The following ANKLE2 variants were observed in gnomAD, a reference collection of about 807,000 sequenced individuals.
ANKLE2 encodes ankyrin repeat and LEM domain containing 2, also known as ankyrin repeat and LEM domain-containing protein 2.
Under a neutral mutation model 84.2 loss-of-function variants are expected in ANKLE2, and 55 were observed. The observed-to-expected ratio is 0.65, with a 90% CI of 0.53 to 0.82. ANKLE2 has a LOEUF of 0.82. ANKLE2 is among the 40% of genes least tolerant of loss of function. ANKLE2 has a pLI of 0.00. For missense variants in ANKLE2, 1,238 were observed against 1,201.9 expected (o/e 1.03, Z -0.44); for synonymous variants, 551 against 486.1 (o/e 1.13, Z -1.76).
intron 5 of ANKLE2, chr12:132,745,326 G>T: frequency 5.5e-6 from 1 of 181,372 alleles, no homozygotes. Context: ...AGACGGATGA[G>T]GAAACTGTCA....
intron 1 of ANKLE2, chr12:132,759,483 A>G (rs2044568052): frequency 6.8e-6 from 1 of 147,498 alleles, no homozygotes; most frequent in Admixed American, 6.7e-5. Context: ...GCAATGCACG[A>G]GGCCCAGTTT....
chr12:132,750,693 G>C lies in ANKLE2; in HGVS notation c.797C>G (p.Pro266Arg), dbSNP rs1354431244. ...YFPSPSKTSL[P>R]LSPVKTAPLF... is the part of the protein sequence containing the mutation. ...TGGAGCTGTTTTCACAGGAGACAGT[G>C]GTAAGGACGTTTTGCTTGGAGAAGG... is the stretch of plus-strand genomic sequence containing the variant. Residue 266 changes from proline to arginine, a missense_variant, in exon 3 of 13, where the codon CCA (proline) becomes CGA (arginine). Physicochemically the swap from Pro to Arg is moderately radical, Grantham distance 103. This residue lies in a region of ANKLE2 where 422 missense variants were observed against 394.5 expected (regional missense o/e 1.07). Coordinates refer to ENST00000357997, the MANE Select transcript of ANKLE2 (RefSeq NM_015114.3). The C allele has an allele frequency of 1.1e-5, 17 of 1,614,228 alleles. No individual in the cohort carries two copies. Among genetic ancestry groups the C allele is most frequent in the Non-Finnish European group, 1.4e-5 (17 of 1,180,044 alleles).
chr12:132,744,378 TC>T (rs1270395876), intron 5 of ANKLE2, among the ~76,000 whole-genome samples: 1 of 152,114 alleles, frequency 6.6e-6, no homozygotes, highest in African/African-American at 2.4e-5. Context: ...CTGTGAAGTG[TC>T]CGGTGGCATC....
intron 1 of ANKLE2, chr12:132,759,053 C>CAAGTTTAA: frequency 7.6e-6 from 1 of 131,078 alleles, no homozygotes; most frequent in South Asian, 2.2e-4. Context: ...CCCCGGGGCA[C>CAAGTTTAA]CCACGTGGCA....
At position 132,729,748 on chromosome 12, in the gene ANKLE2, G is replaced by A. The variant is rs2043798502; in HGVS notation, c.2414C>T (p.Pro805Leu). 4 of 1,611,444 alleles carry A rather than the reference G, an allele frequency of 2.5e-6. No individual in the cohort carries two copies. In the East Asian group the frequency reaches 8.9e-5, roughly 36 times the overall value. ...CTGATCCTCGTGCCTGGGGCTGCTG[G>A]GACTCAAGGACATTTTAGCGATCCT... is the stretch of plus-strand genomic sequence containing the variant. ...SARIAKMSLS[P>L]SSPRHEDQLE... The change falls in exon 11 of 13, where the codon CCC (proline) becomes CTC (leucine). Residue 805 changes from proline to leucine, a missense_variant. Physicochemically the swap from Pro to Leu is moderately conservative, Grantham distance 98. Around this residue, in one of 3 missense-constraint regions of ANKLE2, gnomAD observed 802 missense variants for 774.5 expected, o/e 1.04. Coordinates refer to ENST00000357997, the MANE Select transcript of ANKLE2 (RefSeq NM_015114.3).
At chr12:132,742,063 ATGAATG>A (rs1256677820) in intron 6 of ANKLE2, 1 of 319,042 alleles carries the variant, frequency 3.1e-6, no homozygotes, top group African/African-American at 2.2e-5. Flanking sequence ...AATTAAAACT[ATGAATG>A]CAACTACATT....
chr12:132,732,689 T>G, intron 10 of ANKLE2, among the ~76,000 whole-genome samples: 1 of 111,050 alleles, frequency 9.0e-6, no homozygotes, highest in Admixed American at 9.0e-5. Flanking sequence ...GCTCTCTGCG[T>G]CCTGGTGTCT....
At chr12:132,760,501 C>A (rs2044603806) in intron 1 of ANKLE2, 1 of 152,268 alleles carries the variant, frequency 6.6e-6, no homozygotes, top group African/African-American at 2.4e-5. Flanking sequence ...GGTTGTTTGA[C>A]CTGCGCTTGG....
At chr12:132,736,576 T>C (rs113524631) in intron 8 of ANKLE2, among the ~76,000 whole-genome samples, 4,974 of 147,930 alleles carry the variant, frequency 0.034, 295 homozygotes, top group African/African-American at 0.12. Context: ...GCAAGGTGCC[T>C]AGGACGGGCC....
At chr12:132,761,540 G>A in intron 1 of ANKLE2, 78 bp downstream of exon 1, 1 of 1,130,444 alleles carries the variant, frequency 8.8e-7, no homozygotes, top group Non-Finnish European at 1.1e-6. Context: ...GGGCGCGGCC[G>A]GGACCCCAGG....
At chr12:132,745,748 C>G (rs2044223035) in intron 5 of ANKLE2, 1 of 185,510 alleles carries the variant, frequency 5.4e-6, no homozygotes, top group Non-Finnish European at 1.2e-5. Flanking sequence ...TCCCGCACCT[C>G]TCTAAGCCTG....
intron 5 of ANKLE2, among the ~76,000 whole-genome samples, chr12:132,744,683 T>G (rs1451841451): frequency 6.6e-6 from 1 of 152,084 alleles, no homozygotes; most frequent in Non-Finnish European, 1.5e-5. Context: ...TAGTAAGCAC[T>G]ATAGACTTTT....
Position 132,728,154 on chromosome 12 carries a change from T to G in ANKLE2, c.2493A>C (p.Pro831=), listed in dbSNP as rs1311055421. 1.9e-6 allele frequency: 3 copies of G among 1,612,652 alleles called. No individual in the cohort carries two copies. Among genetic ancestry groups the G allele is most frequent in the Non-Finnish European group, 2.5e-6 (3 of 1,179,856 alleles). The part of the protein sequence containing the change: ...ARRLFLFGEE[P]SKLDQDVLAA... The stretch of plus-strand genomic sequence containing the variant: ...CCAAAACATCCTGATCGAGTTTTGA[T>G]GGCTCCTCTCTAGAAAGCACAATAA... The change falls in exon 12 of 13, where the codon CCA becomes CCC. Residue 831 remains proline (P), a synonymous_variant. Transcript: ENST00000357997.
chr12:132,747,226 A>G (rs1272258622), intron 5 of ANKLE2, among the ~76,000 whole-genome samples: 2 of 152,046 alleles, frequency 1.3e-5, no homozygotes, highest in Non-Finnish European at 2.9e-5. Context: ...CTCTCTCCAC[A>G]GCCCTGCGTG....
intron 10 of ANKLE2, chr12:132,731,467 T>G (rs2043843332): frequency 6.6e-6 from 1 of 152,192 alleles, no homozygotes; most frequent in Non-Finnish European, 1.5e-5. Context: ...ATGAAGTGTC[T>G]TGCGGGCTAA....
rs200888327 is a variant in ANKLE2, at chr12:132,741,380, C to T, written c.1420+39G>A. The T allele has an allele frequency of 1.3e-4, 203 of 1,606,264 alleles. 2 individuals are homozygous for T. The South Asian group carries it at 1.3e-3, about 10-fold the overall frequency. On this transcript the variant is annotated intron_variant, in intron 7 of 12. Transcript: ENST00000357997. ...CCCAACGCTCCAAGGCCCTTCCCGG[C>T]GTGGACCCCACGATCCAGGCACCAA...
At chr12:132,752,942 G>C (rs1408093602) in intron 2 of ANKLE2, among the ~76,000 whole-genome samples, 1 of 150,644 alleles carries the variant, frequency 6.6e-6, no homozygotes, top group African/African-American at 2.4e-5. Context: ...AGGACTGCTT[G>C]AAGCCAGGAG....
intron 1 of ANKLE2, chr12:132,759,576 T>C (rs558818492): frequency 2.6e-5 from 4 of 152,282 alleles, no homozygotes; most frequent in South Asian, 2.1e-4. Context: ...TATACGTATA[T>C]TATACATCAT....
rs750471567 is a variant in ANKLE2, at chr12:132,728,138, C to A, written c.2509G>T (p.Asp837Tyr). 1 of 1,612,784 alleles carries A rather than the reference C, an allele frequency of 6.2e-7. No homozygotes were observed. Among genetic ancestry groups the A allele is most frequent in the Non-Finnish European group, 8.5e-7 (1 of 1,179,894 alleles). ...GCACATTCAAGAGCGGCCAAAACAT[C>A]CTGATCGAGTTTTGATGGCTCCTCT... The part of the protein sequence containing the change: ...FGEEPSKLDQ[D>Y]VLAALECADV... Residue 837 changes from aspartate (D) to tyrosine (Y), a missense_variant, in exon 12 of 13, where the codon GAT (aspartate) becomes TAT (tyrosine). Coordinates refer to ENST00000357997, the MANE Select transcript of ANKLE2 (RefSeq NM_015114.3).
Sources: allele counts gnomAD v4.1 joint callset (sites outside exome capture counted in the v4.1 genomes callset), GRCh38; gene constraint gnomAD v4.1.1; regional missense constraint gnomAD v4.1.1; transcripts MANE v1.5; gene names NCBI Gene and HGNC (gene_info 2026-07-23, HGNC 2026-07-21).